FBXL7: variants seen among roughly 807,000 people sequenced by gnomAD.
The protein encoded by FBXL7 is F-box and leucine rich repeat protein 7.
FBXL7 carries 12 observed loss-of-function variants against 38.3 expected under a neutral mutation model. The observed-to-expected ratio is 0.31, with a 90% confidence interval of 0.20 to 0.51. The LOEUF is 0.51. FBXL7 is among the 20% of genes least tolerant of loss of function. The pLI is 0.98. For missense variants in FBXL7, 567 were observed against 676.4 expected (o/e 0.84, Z 1.79); for synonymous variants, 297 against 300.9 (o/e 0.99, Z 0.13).
chr5:15,840,160 G>C (rs1738704362), intron 2 of FBXL7, among the ~76,000 whole-genome samples: 1 of 152,176 alleles, frequency 6.6e-6, no homozygotes, highest in Admixed American at 6.5e-5. Flanking sequence ...TTTCCTCGGA[G>C]AAAGTGTCAC....
chr5:15,599,986 A>C (rs1409418388), intron 1 of FBXL7, among the ~76,000 whole-genome samples: 2 of 152,210 alleles, frequency 1.3e-5, no homozygotes, highest in African/African-American at 4.8e-5. Context: ...GAGATGGCCA[A>C]ATACACATAT....
In FBXL7 at chr5:15,574,694, C is replaced by G. The variant is rs78746295; in HGVS notation, c.38-41289C>G. ...GAGAGAGTGAGAGAGTAAGCCTGCC[C>G]GTGTGAGGTGCTTGTAAGCCTGTAT... On this transcript the variant is annotated intron_variant, in intron 1 of 3. Coordinates refer to ENST00000504595, the MANE Select transcript of FBXL7 (RefSeq NM_012304.5). Among the ~76,000 whole-genome samples the G allele has an allele frequency of 5.9e-3, 892 of 152,174 alleles. 9 individuals carry two copies. Among genetic ancestry groups the G allele is most frequent in the African/African-American group, 0.02 (842 of 41,522 alleles).
chr5:15,840,994 T>C (rs140469673), intron 2 of FBXL7, among the ~76,000 whole-genome samples: 2 of 152,298 alleles, frequency 1.3e-5, no homozygotes, highest in African/African-American at 2.4e-5. Flanking sequence ...CCTATAGCAA[T>C]GTCACTGGCT....
At chr5:15,794,176 G>A (rs1271542469) in intron 2 of FBXL7, among the ~76,000 whole-genome samples, 2 of 152,114 alleles carry the variant, frequency 1.3e-5, no homozygotes, top group Admixed American at 6.5e-5. Context: ...TATCTCTGTT[G>A]GCTAAAAGCG....
chr5:15,746,499 T>G (rs2126680404), intron 2 of FBXL7, among the ~76,000 whole-genome samples: 1 of 152,046 alleles, frequency 6.6e-6, no homozygotes, highest in East Asian at 1.9e-4. Flanking sequence ...GAGGGCCCAT[T>G]TCCTCATAGA....
intron 2 of FBXL7, among the ~76,000 whole-genome samples, chr5:15,692,817 G>A (rs1013600410): frequency 1.3e-5 from 2 of 152,172 alleles, no homozygotes; most frequent in African/African-American, 4.8e-5. Context: ...AGCAAGTGAG[G>A]CTGAAAACAG....
chr5:15,802,449 A>G (rs59717407), intron 2 of FBXL7, among the ~76,000 whole-genome samples: 6,225 of 151,766 alleles, frequency 0.041, 430 homozygotes, highest in African/African-American at 0.14. Context: ...ACTGCTAAAC[A>G]GTGTCCAGCC....
At chr5:15,545,302 A>G (rs979793841) in intron 1 of FBXL7, among the ~76,000 whole-genome samples, 1 of 152,244 alleles carries the variant, frequency 6.6e-6, no homozygotes, top group Non-Finnish European at 1.5e-5. Context: ...CTAAGTTAAC[A>G]TAAGACTATC....
chr5:15,831,246 T>C (rs1738449364), intron 2 of FBXL7, among the ~76,000 whole-genome samples: 1 of 151,942 alleles, frequency 6.6e-6, no homozygotes, highest in Non-Finnish European at 1.5e-5. Context: ...TGAGAAGAGG[T>C]GGGAAAGGGA....
At chr5:15,683,992 T>C (rs1332311924) in intron 2 of FBXL7, among the ~76,000 whole-genome samples, 1 of 152,172 alleles carries the variant, frequency 6.6e-6, no homozygotes, top group African/African-American at 2.4e-5. Context: ...AAAGGCCTTT[T>C]AAAAATTAAA....
rs115230719 is a variant in FBXL7, at chr5:15,794,017, G to A, written c.128-133873G>A. Among the ~76,000 whole-genome samples the A allele has an allele frequency of 5.1e-3, 776 of 152,266 alleles. 4 individuals carry two copies. Among genetic ancestry groups the A allele is most frequent in the Non-Finnish European group, 8.9e-3 (603 of 68,014 alleles). ...GCATTTTTGGAAACAAAGTTCTCTC[G>A]TGCCTGTGACTGCCAAAACCTGTTC... is the stretch of plus-strand genomic sequence containing the variant. On this transcript the variant is annotated intron_variant, in intron 2 of 3. Transcript: ENST00000504595.
intron 1 of FBXL7, among the ~76,000 whole-genome samples, chr5:15,579,538 C>A (rs531060675): frequency 1.3e-5 from 2 of 152,336 alleles, no homozygotes; most frequent in Non-Finnish European, 2.9e-5. Flanking sequence ...TGCAAGAAAT[C>A]ATCTTTCCAA....
At chr5:15,570,156 G>C (rs1738726241) in intron 1 of FBXL7, among the ~76,000 whole-genome samples, 1 of 152,172 alleles carries the variant, frequency 6.6e-6, no homozygotes. Flanking sequence ...AATAGTTTCA[G>C]AAGGAATGGT....
chr5:15,771,944 T>A (rs538778105), intron 2 of FBXL7, among the ~76,000 whole-genome samples: 183 of 151,846 alleles, frequency 1.2e-3, no homozygotes, highest in African/African-American at 4.1e-3. Context: ...ATTTTTATAT[T>A]TTTTTTAGTA....
intron 2 of FBXL7, among the ~76,000 whole-genome samples, chr5:15,882,232 T>TCTTATCACTAGCTTTA (rs1241150947): frequency 6.6e-6 from 1 of 152,148 alleles, no homozygotes; most frequent in Non-Finnish European, 1.5e-5. Context: ...AGATTTAAAC[T>TCTTATCACTAGCTTTA]CTTATCACTA....
intron 2 of FBXL7, among the ~76,000 whole-genome samples, chr5:15,820,425 A>G (rs1307146437): frequency 6.6e-6 from 1 of 151,362 alleles, no homozygotes; most frequent in East Asian, 2.0e-4. Flanking sequence ...CCCGCCTTTC[A>G]CTGGCCTTTT....
intron 2 of FBXL7, among the ~76,000 whole-genome samples, chr5:15,890,744 C>T (rs779372696): frequency 1.2e-4 from 19 of 152,152 alleles, no homozygotes; most frequent in Non-Finnish European, 2.1e-4. Flanking sequence ...GGCTGGGGAC[C>T]GCTGTTCTAA....
intron 1 of FBXL7, among the ~76,000 whole-genome samples, chr5:15,555,784 GAGATAGAT>G (rs70938016): frequency 0.017 from 2,312 of 139,786 alleles, 24 homozygotes; most frequent in Middle Eastern, 0.03. Flanking sequence ...AAGGGTAGAT[GAGATAGAT>G]AGATAGATAG....
intron 1 of FBXL7, among the ~76,000 whole-genome samples, chr5:15,518,939 A>G (rs1235060179): frequency 2.0e-5 from 3 of 152,130 alleles, no homozygotes; most frequent in Admixed American, 1.3e-4. Context: ...ACAATGACAA[A>G]TGAAACGTTT....
Sources: gnomAD v4.1 joint callset for allele counts (sites outside exome capture counted in the v4.1 genomes callset) on GRCh38, gnomAD v4.1.1 for gene constraint, MANE v1.5 for transcripts, NCBI Gene and HGNC (gene_info 2026-07-23, HGNC 2026-07-21) for gene names.